The following SLC35F4 variants were observed in gnomAD, a reference collection of about 807,000 sequenced individuals.
The protein encoded by SLC35F4 is solute carrier family 35 member F4, also known as chromosome 14 open reading frame 36.
A neutral mutation model predicts 44.2 loss-of-function variants in SLC35F4; 24 were observed. The ratio of observed to expected loss-of-function variants is 0.54; its 90% CI spans 0.39 to 0.76. SLC35F4 has a LOEUF of 0.76. Ranked by LOEUF, SLC35F4 falls within the 30% of genes least tolerant of loss-of-function variation. The probability of loss-of-function intolerance (pLI) is 0.00; values close to 1 mark genes in which losing one functional copy is unlikely to be tolerated. For synonymous variants in SLC35F4, 238 were observed against 223.6 expected (o/e 1.06, Z -0.57); for missense variants, 562 against 586.1 (o/e 0.96, Z 0.42).
At chr14:57,821,608 C>T (rs1254360047) in intron 1 of SLC35F4, among the ~76,000 whole-genome samples, 1 of 152,186 alleles carries the variant, frequency 6.6e-6, no homozygotes, top group Non-Finnish European at 1.5e-5. Flanking sequence ...TAAAGTTTAT[C>T]CGTGGACAAC....
In SLC35F4 at chr14:57,828,221, C is replaced by G. The variant is rs191026023; in HGVS notation, c.103+37502G>C. 1.4e-3 allele frequency among the ~76,000 whole-genome samples: 213 copies of G among 152,202 alleles called. 1 individual carries two copies. The highest frequency in any genetic ancestry group is 0.01 in the Admixed American group (156 of 15,282). On this transcript the variant is annotated intron_variant, in intron 1 of 7. Transcript: ENST00000556826. ...AAACAAAAAAACCACACCCATGCCC[C>G]AGATCCAATGCCAGAGATCTCCATT...
At chr14:57,663,092 C>T (rs1455876245) in intron 1 of SLC35F4, among the ~76,000 whole-genome samples, 1 of 152,158 alleles carries the variant, frequency 6.6e-6, no homozygotes, top group Non-Finnish European at 1.5e-5. Context: ...GTTGGTTTGC[C>T]TTAGCCCTGA....
chr14:57,757,347 T>C (rs2077017357), intron 1 of SLC35F4, among the ~76,000 whole-genome samples: 4 of 152,218 alleles, frequency 2.6e-5, no homozygotes, highest in Admixed American at 2.6e-4. Context: ...TTTTATCTAA[T>C]GTGACAATCT....
intron 1 of SLC35F4, among the ~76,000 whole-genome samples, chr14:57,945,620 T>TC (rs1890012907): frequency 6.6e-6 from 1 of 152,014 alleles, no homozygotes; most frequent in Admixed American, 6.5e-5. Flanking sequence ...TGACTTCTTT[T>TC]CCCCTGGGTA....
At chr14:57,667,020 C>T (rs1353964853) in intron 1 of SLC35F4, among the ~76,000 whole-genome samples, 1 of 151,256 alleles carries the variant, frequency 6.6e-6, no homozygotes, top group African/African-American at 2.5e-5. Flanking sequence ...GAAGCGTGGG[C>T]AAAGGCATCA....
intron 1 of SLC35F4, among the ~76,000 whole-genome samples, chr14:57,642,780 G>A (rs1373353579): frequency 2.6e-5 from 4 of 151,456 alleles, no homozygotes; most frequent in Admixed American, 6.6e-5. Context: ...TACATAATAT[G>A]GCAATATCAC....
At position 57,821,987 on chromosome 14, in the gene SLC35F4, T is replaced by C. The variant is rs139581268; in HGVS notation, c.103+43736A>G. Among the ~76,000 whole-genome samples the C allele has an allele frequency of 2.7e-3, 413 of 152,176 alleles. 4 individuals carry two copies. The highest frequency in any genetic ancestry group is 9.5e-3 in the African/African-American group (395 of 41,492). ...GCCTACATGTCCATGTCCCTGAGAGTAGGTGTCTCTTTAGATTTGGTGCTT... is the reference window on the plus strand; with the variant it reads ...GCCTACATGTCCATGTCCCTGAGAGCAGGTGTCTCTTTAGATTTGGTGCTT... On this transcript the variant is annotated intron_variant, in intron 1 of 7. Coordinates refer to ENST00000556826, the MANE Select transcript of SLC35F4 (RefSeq NM_001306087.2).
chr14:57,816,243 GT>G (rs1312507653), intron 1 of SLC35F4, among the ~76,000 whole-genome samples: 1 of 152,080 alleles, frequency 6.6e-6, no homozygotes, highest in East Asian at 1.9e-4. Context: ...TAATGTCTTT[GT>G]TTTTCTTCTC....
At chr14:57,909,912 G>A (rs1889184690) in intron 1 of SLC35F4, among the ~76,000 whole-genome samples, 1 of 152,080 alleles carries the variant, frequency 6.6e-6, no homozygotes, top group Admixed American at 6.5e-5. Flanking sequence ...TTCCAAAATG[G>A]CTTTACTATT....
chr14:57,739,695 C>A (rs2076557002), intron 1 of SLC35F4, among the ~76,000 whole-genome samples: 2 of 152,210 alleles, frequency 1.3e-5, no homozygotes, highest in South Asian at 4.1e-4. Flanking sequence ...CAGTCCAGGC[C>A]TGGGCTTGAA....
chr14:57,684,662 G>A (rs1175529265), intron 1 of SLC35F4, among the ~76,000 whole-genome samples: 5 of 152,178 alleles, frequency 3.3e-5, no homozygotes, highest in African/African-American at 1.2e-4. Context: ...TGCCCTAGTG[G>A]CTCCTGAAGA....
intron 1 of SLC35F4, among the ~76,000 whole-genome samples, chr14:57,826,941 AC>A (rs905195174): frequency 5.9e-5 from 9 of 152,216 alleles, no homozygotes; most frequent in African/African-American, 1.9e-4. Flanking sequence ...ATTGAGGAAG[AC>A]AGTGTGGTAA....
intron 1 of SLC35F4, among the ~76,000 whole-genome samples, chr14:57,740,806 C>G (rs907881799): frequency 1.1e-4 from 16 of 152,184 alleles, no homozygotes; most frequent in African/African-American, 1.2e-4. Flanking sequence ...TTTAAAAGAT[C>G]TGAGAACAGA....
At chr14:57,630,679 G>GGTGCTCAA in intron 1 of SLC35F4, 1 of 628,524 alleles carries the variant, frequency 1.6e-6, no homozygotes, top group Non-Finnish European at 2.9e-6. Context: ...CCTATGCTCA[G>GGTGCTCAA]TGGCCATTGA....
intron 1 of SLC35F4, among the ~76,000 whole-genome samples, chr14:57,825,945 A>G (rs1369706686): frequency 1.3e-5 from 2 of 152,222 alleles, no homozygotes; most frequent in Non-Finnish European, 2.9e-5. Context: ...TGCCCAAAGT[A>G]ATTTATAGAT....
chr14:57,779,105 CAAA>C (rs953857972), intron 1 of SLC35F4, among the ~76,000 whole-genome samples: 2 of 150,092 alleles, frequency 1.3e-5, no homozygotes, highest in South Asian at 2.1e-4. Context: ...TAGCAGAAGA[CAAA>C]AAAAAATAAT....
rs369400603 is a variant in SLC35F4, at chr14:57,724,039, A to G, written c.104-129915T>C. ...CATTTGGCCCCTTCTACAACCAAAA[A>G]AGAGGCACAATGCTTAGTGGGCCTA... On this transcript the variant is annotated intron_variant, in intron 1 of 7. Coordinates refer to ENST00000556826, the MANE Select transcript of SLC35F4 (RefSeq NM_001306087.2). 2.6e-4 allele frequency among the ~76,000 whole-genome samples: 40 copies of G among 152,342 alleles called. No individual in the cohort carries two copies. In the South Asian group the frequency reaches 2.9e-3, roughly 11 times the overall value.
At chr14:57,807,672 G>A (rs574876532) in intron 1 of SLC35F4, among the ~76,000 whole-genome samples, 2 of 151,990 alleles carry the variant, frequency 1.3e-5, no homozygotes, top group South Asian at 4.2e-4. Flanking sequence ...TTCCACACTT[G>A]AAAAATTTGC....
chr14:57,941,259 T>C (rs896280050), intron 1 of SLC35F4, among the ~76,000 whole-genome samples: 15 of 152,222 alleles, frequency 9.9e-5, no homozygotes, highest in African/African-American at 3.6e-4. Flanking sequence ...GAAGTATTAT[T>C]CACAATAGCC....
Sources: gnomAD v4.1 joint callset for allele counts (sites outside exome capture counted in the v4.1 genomes callset) on GRCh38, gnomAD v4.1.1 for gene constraint, MANE v1.5 for transcripts, NCBI Gene and HGNC (gene_info 2026-07-23, HGNC 2026-07-21) for gene names.